The following SYNJ2 variants were observed in gnomAD, a reference collection of about 807,000 sequenced individuals.
SYNJ2 encodes synaptojanin 2.
A neutral mutation model predicts 141.3 loss-of-function variants in SYNJ2; 116 were observed. The observed-to-expected ratio is 0.82, with a 90% CI of 0.71 to 0.96. The LOEUF (loss-of-function observed/expected upper bound fraction) is 0.96, where lower values mean the gene tolerates loss of function less well. Ranked by LOEUF, SYNJ2 falls within the 40% of genes least tolerant of loss-of-function variation. The probability of loss-of-function intolerance (pLI) is 0.00; values close to 1 mark genes in which losing one functional copy is unlikely to be tolerated. For missense variants in SYNJ2, 1,873 were observed against 1,934.8 expected (o/e 0.97, Z 0.60); for synonymous variants, 745 against 777.7 (o/e 0.96, Z 0.70).
chr6:158,008,695 G>GTGTC (rs1024562995), intron 1 of SYNJ2, among the ~76,000 whole-genome samples: 15 of 152,334 alleles, frequency 9.8e-5, no homozygotes, highest in African/African-American at 2.9e-4. Flanking sequence ...GTGTGTATGT[G>GTGTC]TGTCTGTCTG....
chr6:158,038,310 C>T (rs1779747620), intron 4 of SYNJ2, among the ~76,000 whole-genome samples: 1 of 152,174 alleles, frequency 6.6e-6, no homozygotes, highest in African/African-American at 2.4e-5. Context: ...ACCTTACTCC[C>T]AGGAGCAGCA....
intron 12 of SYNJ2, 94 bp from the exon 13 acceptor site, chr6:158,068,553 G>A: frequency 2.2e-6 from 3 of 1,393,504 alleles, no homozygotes; most frequent in African/African-American, 1.4e-5. Flanking sequence ...GCAGTGGACA[G>A]CATGACTCGG....
chr6:157,982,391 TC>T lies in SYNJ2; in HGVS notation c.127+306del, dbSNP rs1180667581. Among the ~76,000 whole-genome samples, 1 of 152,140 alleles carries T rather than the reference TC, an allele frequency of 6.6e-6. No homozygotes were observed. Among genetic ancestry groups the T allele is most frequent in the Non-Finnish European group, 1.5e-5 (1 of 68,012 alleles). On this transcript the variant is annotated intron_variant, in intron 1 of 26. Transcript: ENST00000355585. The surrounding 1 kb of genome is among the most constrained non-coding windows in gnomAD (Gnocchi z 4.0). Reference sequence around the variant, plus strand: ...GGGGCGCTTTGCGTATTCATGAGGATCCCGGGGTGTTGACTTAGCCGGCCTG... The same window carrying T: ...GGGGCGCTTTGCGTATTCATGAGGATCCGGGGTGTTGACTTAGCCGGCCTG...
At chr6:158,051,967 A>AAAAAAG (rs1780593619) in intron 5 of SYNJ2, among the ~76,000 whole-genome samples, 1 of 151,826 alleles carries the variant, frequency 6.6e-6, no homozygotes, top group African/African-American at 2.4e-5. Context: ...AAGAAAAAAA[A>AAAAAAG]AAGAAGAAGA....
rs975611089 is a variant in SYNJ2, at chr6:158,070,305, A to G, written c.1940+632A>G. On this transcript the variant is annotated intron_variant, in intron 14 of 26. Coordinates refer to ENST00000355585, the MANE Select transcript of SYNJ2 (RefSeq NM_003898.4). This position sits in a 1 kb window ranked among gnomAD's most constrained non-coding sequence, Gnocchi z 4.0. ...TCGGCGAGCTGGCAGCAGGCGTTGA[A>G]CTGACCTCCCCACTGAGCCCCTGGG... 1.0e-6 allele frequency: 1 copy of G among 985,298 alleles called. No individual in the cohort carries two copies. The highest frequency in any genetic ancestry group is 1.2e-6 in the Non-Finnish European group (1 of 830,046). The allele number at this position is 985,298 out of a possible 1,614,324, so 61.0% of individuals were successfully genotyped here. A position where few individuals can be genotyped will look rare whatever the true frequency, so the allele number is the denominator to read the frequency against.
At chr6:158,047,328 G>A (rs1006455687) in intron 5 of SYNJ2, among the ~76,000 whole-genome samples, 8 of 152,104 alleles carry the variant, frequency 5.3e-5, no homozygotes, top group Non-Finnish European at 7.4e-5. Flanking sequence ...TTGAAGCGAC[G>A]CAGACCTGGG....
intron 26 of SYNJ2, chr6:158,094,132 A>G (rs1783651262): frequency 1.6e-6 from 1 of 641,308 alleles, no homozygotes; most frequent in Non-Finnish European, 2.8e-6. Flanking sequence ...CTTGCTTTGT[A>G]TTTCCTGGGT....
At chr6:158,074,827 T>C in intron 16 of SYNJ2, 89 bp downstream of exon 16, 2 of 1,480,910 alleles carry the variant, frequency 1.4e-6, no homozygotes, top group Non-Finnish European at 1.8e-6. Flanking sequence ...GCAAATTCAG[T>C]TCCGTGAGTG....
chr6:158,083,524 CG>C lies in SYNJ2; in HGVS notation c.2962del (p.Val988CysfsTer130), dbSNP rs1782837747. 4 of 1,614,014 alleles carry C rather than the reference CG, an allele frequency of 2.5e-6. No homozygotes were observed. In the African/African-American group the frequency reaches 5.3e-5, roughly 22 times the overall value. ...IIRKRDSMAP[V>X]SPTANSCLLE... is the part of the protein sequence containing the mutation. Reference sequence around the variant, plus strand: ...TTCGGAAACGAGACAGCATGGCCCCCGTGTCTCCCACTGCCAACTCCTGTTT... The same window carrying C: ...TTCGGAAACGAGACAGCATGGCCCCCTGTCTCCCACTGCCAACTCCTGTTT... On this transcript the variant is annotated frameshift_variant, in exon 21 of 27. Transcript: ENST00000355585. LOFTEE classifies it high-confidence loss of function.
intron 16 of SYNJ2, 117 bp downstream of exon 16, chr6:158,074,855 C>A: frequency 3.2e-6 from 4 of 1,244,918 alleles, no homozygotes; most frequent in Admixed American, 2.5e-5. Context: ...CTGTTTCCAA[C>A]ATTGTAGAAA....
At position 158,095,682 on chromosome 6, in the gene SYNJ2, C is replaced by G; in HGVS notation, c.3809C>G (p.Thr1270Arg). The change falls in exon 27 of 27, where the codon ACA becomes AGA. Residue 1270 changes from threonine to arginine, a missense_variant. By Grantham distance (71) the Thr-to-Arg change is moderately conservative. Coordinates refer to ENST00000355585, the MANE Select transcript of SYNJ2 (RefSeq NM_003898.4). Reference sequence around the variant, plus strand: ...CATTTTACAATCGGGCCCCCGGAGACAAGCGTTGAGGCCCCTCCTGTCGTG... The same window carrying G: ...CATTTTACAATCGGGCCCCCGGAGAGAAGCGTTGAGGCCCCTCCTGTCGTG... ...TVHFTIGPPE[T>R]SVEAPPVVTA... 6.2e-7 allele frequency: 1 copy of G among 1,613,850 alleles called. No individual in the cohort carries two copies. Among genetic ancestry groups the G allele is most frequent in the Admixed American group, 1.7e-5 (1 of 59,928 alleles).
chr6:158,042,588 C>T (rs1780007581), intron 4 of SYNJ2, among the ~76,000 whole-genome samples: 1 of 152,246 alleles, frequency 6.6e-6, no homozygotes, highest in Non-Finnish European at 1.5e-5. Flanking sequence ...TTTAAAACTC[C>T]CTTGCACTCC....
At position 158,074,723 on chromosome 6, in the gene SYNJ2, GA is replaced by G; in HGVS notation, c.2280del (p.Lys760AsnfsTer64). On this transcript the variant is annotated frameshift_variant, in exon 16 of 27. Coordinates refer to ENST00000355585, the MANE Select transcript of SYNJ2 (RefSeq NM_003898.4). LOFTEE classifies it high-confidence loss of function. ...TGGAATTTGATCAACTACAGCTACAGAAATCAAGTGGAAAAGTAAGTTGTGC... is the reference window on the plus strand; with the variant it reads ...TGGAATTTGATCAACTACAGCTACAGAATCAAGTGGAAAAGTAAGTTGTGC... ...LLEFDQLQLQKSSGKIFKDFH... is the reference protein window; with the variant it reads ...LLEFDQLQLQXSSGKIFKDFH... 1 of 1,611,828 alleles carries G rather than the reference GA, an allele frequency of 6.2e-7. No individual in the cohort carries two copies. The highest frequency in any genetic ancestry group is 8.5e-7 in the Non-Finnish European group (1 of 1,179,588).
intron 16 of SYNJ2, 117 bp from the exon 17 acceptor site, chr6:158,076,509 A>G: frequency 7.7e-6 from 9 of 1,165,088 alleles, no homozygotes; most frequent in Middle Eastern, 2.1e-4. Flanking sequence ...TTTCAAATGT[A>G]ATGGAGCTTC....
intron 12 of SYNJ2, chr6:158,067,557 T>TTTTG (rs979545245): frequency 2.0e-6 from 2 of 985,318 alleles, no homozygotes; most frequent in Admixed American, 6.1e-5. Flanking sequence ...GCCTTGGTTT[T>TTTTG]TTTGTTTGTT....
chr6:158,057,330 C>T (rs78513975), intron 6 of SYNJ2, among the ~76,000 whole-genome samples: 12 of 152,046 alleles, frequency 7.9e-5, no homozygotes, highest in East Asian at 7.8e-4. Context: ...TGGGTGCCAG[C>T]GCTCCCTTAC....
At chr6:157,996,225 C>T (rs1777625355) in intron 1 of SYNJ2, among the ~76,000 whole-genome samples, 1 of 152,146 alleles carries the variant, frequency 6.6e-6, no homozygotes, top group South Asian at 2.1e-4. Flanking sequence ...CATTCTGACG[C>T]CCCTTCCTTC....
chr6:158,049,249 G>A (rs995085091), intron 5 of SYNJ2, among the ~76,000 whole-genome samples: 2 of 152,146 alleles, frequency 1.3e-5, no homozygotes, highest in African/African-American at 4.8e-5. Flanking sequence ...AGGAGGACGG[G>A]GTGGAGGAGA....
intron 1 of SYNJ2, among the ~76,000 whole-genome samples, chr6:157,988,176 G>T (rs1326616495): frequency 6.6e-6 from 1 of 152,244 alleles, no homozygotes; most frequent in Admixed American, 6.5e-5. Flanking sequence ...CGGGCGTTGG[G>T]GTGGCAAGGG....
Sources: allele counts gnomAD v4.1 joint callset (sites outside exome capture counted in the v4.1 genomes callset), GRCh38; gene constraint gnomAD v4.1.1; non-coding constraint Gnocchi (gnomAD v3.1); transcripts MANE v1.5; gene names NCBI Gene and HGNC (gene_info 2026-07-23, HGNC 2026-07-21).